Variants in ZMYM2 observed in about 807,000 individuals in gnomAD.
ZMYM2 encodes zinc finger MYM-type containing 2.
Under a neutral mutation model 162.8 loss-of-function variants are expected in ZMYM2, and 56 were observed. The ratio of observed to expected loss-of-function variants is 0.34; its 90% CI spans 0.28 to 0.43. ZMYM2 has a LOEUF of 0.43. Among genes scored for constraint, ZMYM2 ranks in the 20% least tolerant of loss-of-function variants. The probability of loss-of-function intolerance (pLI) is 1.00; values close to 1 mark genes in which losing one functional copy is unlikely to be tolerated. For missense variants in ZMYM2, 1,275 were observed against 1,621.8 expected (o/e 0.79, Z 3.67); for synonymous variants, 510 against 541.6 (o/e 0.94, Z 0.81).
the ZMYM2 span, among the ~76,000 whole-genome samples, chr13:19,918,797 C>A: frequency 6.6e-6 from 1 of 152,058 alleles, no homozygotes; most frequent in Non-Finnish European, 1.5e-5. Flanking sequence ...CCACACCTGG[C>A]CAAAAACCTC....
At chr13:19,916,743 C>T in the ZMYM2 span, among the ~76,000 whole-genome samples, 5 of 151,040 alleles carry the variant, frequency 3.3e-5, no homozygotes, top group African/African-American at 1.2e-4. Context: ...GGATAGCATT[C>T]GGAGAAATAC....
In ZMYM2 at chr13:20,048,288, ATTT is replaced by A. The variant is rs66512740; in HGVS notation, c.2293-3139_2293-3137del. Among the ~76,000 whole-genome samples the A allele has an allele frequency of 1.2e-4, 18 of 151,702 alleles. No individual in the cohort carries two copies. In the East Asian group the frequency reaches 1.9e-3, roughly 16 times the overall value. ...TTTTTCTTTATAAACAGCTATATCC[ATTT>A]TTTTTAAAATTTTTTTGAAATTATT... On this transcript the variant is annotated intron_variant, in intron 12 of 24. Transcript: ENST00000610343.
the ZMYM2 span, among the ~76,000 whole-genome samples, chr13:19,879,199 C>T: frequency 0.93 from 141,557 of 152,228 alleles, 66,732 homozygotes; most frequent in East Asian, 1. Context: ...CTTCATTCTT[C>T]TGCATGTGAA....
chr13:20,036,567 A>G (rs1248056313), intron 11 of ZMYM2, among the ~76,000 whole-genome samples, 170 bp from the exon 12 acceptor site: 1 of 152,238 alleles, frequency 6.6e-6, no homozygotes, highest in Non-Finnish European at 1.5e-5. Context: ...ATGTTATCTA[A>G]TAAAATATCC....
chr13:19,980,102 A>C (rs775431474), intron 2 of ZMYM2, among the ~76,000 whole-genome samples: 3 of 151,984 alleles, frequency 2.0e-5, no homozygotes, highest in Middle Eastern at 3.4e-3. Context: ...TTTTACATTA[A>C]ATTTTTTATT....
At chr13:20,061,403 C>G (rs933990758) in intron 17 of ZMYM2, among the ~76,000 whole-genome samples, 179 bp downstream of exon 17, 4 of 152,114 alleles carry the variant, frequency 2.6e-5, no homozygotes, top group African/African-American at 7.2e-5. Context: ...CAGGTGCCCT[C>G]AGACAGATAT....
At chr13:19,901,479 T>C in the ZMYM2 span, among the ~76,000 whole-genome samples, 1 of 151,970 alleles carries the variant, frequency 6.6e-6, no homozygotes, top group Non-Finnish European at 1.5e-5. Flanking sequence ...TGTATATGGA[T>C]GACCTCTCCC....
the ZMYM2 span, among the ~76,000 whole-genome samples, chr13:19,949,175 C>T: frequency 0.87 from 131,485 of 151,872 alleles, 58,257 homozygotes; most frequent in East Asian, 0.99. Flanking sequence ...TTTGGGAGGC[C>T]GAGGCGAATG....
intron 3 of ZMYM2, among the ~76,000 whole-genome samples, chr13:19,996,114 T>C (rs1950002049): frequency 6.6e-6 from 1 of 152,106 alleles, no homozygotes; most frequent in African/African-American, 2.4e-5. Context: ...CACATGCCTC[T>C]CTCTGACCCA....
At position 20,088,161 on chromosome 13, in the gene ZMYM2, A is replaced by C. The variant is rs1469670371; in HGVS notation, c.*2147A>C. ...GATCTTGACATGATTGAGGATTTAG[A>C]GCTCTTGTCTTTGTCTTGATTGCAA... On this transcript the variant is annotated 3_prime_UTR_variant, in exon 25 of 25. Transcript: ENST00000610343. The C allele has an allele frequency of 9.7e-6, 2 of 205,418 alleles. No individual in the cohort carries two copies. The highest frequency in any genetic ancestry group is 2.0e-5 in the Non-Finnish European group (2 of 100,342). The allele number at this position is 205,418 out of a possible 1,614,324, so 12.7% of individuals were successfully genotyped here. A position where few individuals can be genotyped will look rare whatever the true frequency, so the allele number is the denominator to read the frequency against.
At chr13:20,064,904 A>G (rs1007771218) in intron 19 of ZMYM2, among the ~76,000 whole-genome samples, 2 of 152,078 alleles carry the variant, frequency 1.3e-5, no homozygotes, top group Middle Eastern at 3.2e-3. Context: ...AACAGTTGCT[A>G]AAGTAGTAAG....
chr13:19,999,194 A>G (rs777285187), intron 3 of ZMYM2, among the ~76,000 whole-genome samples: 160 of 152,348 alleles, frequency 1.1e-3, no homozygotes, highest in Admixed American at 1.0e-3. Flanking sequence ...TGGTCAGTAC[A>G]GGCATACCTC....
At chr13:19,869,517 G>A in the ZMYM2 span, among the ~76,000 whole-genome samples, 3 of 152,128 alleles carry the variant, frequency 2.0e-5, no homozygotes, top group Admixed American at 2.0e-4. Context: ...GCTGGGCGTG[G>A]TGGCTCATGC....
At chr13:19,884,631 A>G in the ZMYM2 span, among the ~76,000 whole-genome samples, 1 of 152,134 alleles carries the variant, frequency 6.6e-6, no homozygotes, top group Non-Finnish European at 1.5e-5. Context: ...TAAAGGTGAC[A>G]CGTACTTAGT....
At chr13:19,887,518 G>T in the ZMYM2 span, among the ~76,000 whole-genome samples, 1 of 144,216 alleles carries the variant, frequency 6.9e-6, no homozygotes, top group Admixed American at 7.0e-5. Context: ...GACAGAATGA[G>T]ACTTGGTATA....
chr13:20,052,058 G>A (rs1955407654), intron 13 of ZMYM2, among the ~76,000 whole-genome samples: 1 of 151,998 alleles, frequency 6.6e-6, no homozygotes, highest in Non-Finnish European at 1.5e-5. Context: ...CGAAAGCAGT[G>A]TATACTTTCA....
the ZMYM2 span, among the ~76,000 whole-genome samples, chr13:19,941,387 A>G: frequency 1.3e-5 from 2 of 152,098 alleles, no homozygotes; most frequent in African/African-American, 2.4e-5. Flanking sequence ...AACAGAGTTT[A>G]TTTGAGCATT....
the ZMYM2 span, among the ~76,000 whole-genome samples, chr13:19,878,100 TG>T: frequency 2.2e-4 from 33 of 151,446 alleles, no homozygotes; most frequent in Non-Finnish European, 4.7e-4. Context: ...TTGCCCAGGC[TG>T]GAGTGCAATG....
the ZMYM2 span, among the ~76,000 whole-genome samples, chr13:19,920,559 CTG>C: frequency 6.7e-6 from 1 of 148,956 alleles, no homozygotes; most frequent in Non-Finnish European, 1.5e-5. Context: ...GGAGGGGAGA[CTG>C]TGAAGGAGGA....
Sources: gnomAD v4.1 joint callset for allele counts (sites outside exome capture counted in the v4.1 genomes callset) on GRCh38, gnomAD v4.1.1 for gene constraint, MANE v1.5 for transcripts, NCBI Gene and HGNC (gene_info 2026-07-23, HGNC 2026-07-21) for gene names.